TENM3: variants seen among roughly 807,000 people sequenced by gnomAD.
TENM3 encodes teneurin transmembrane protein 3.
A neutral mutation model predicts 255.1 loss-of-function variants in TENM3; 63 were observed. The ratio of observed to expected loss-of-function variants is 0.25; its 90% CI spans 0.20 to 0.30. The LOEUF is 0.30. TENM3 is among the 10% of genes least tolerant of loss of function. TENM3 has a pLI of 1.00. For synonymous variants in TENM3, 1,306 were observed against 1,322.3 expected, an observed-to-expected ratio of 0.99 and a Z score of 0.27; for missense variants, 2,929 against 3,461.1, an observed-to-expected ratio of 0.85 and a Z score of 3.86.
At chr4:181,731,788 A>AAG in the TENM3 span, among the ~76,000 whole-genome samples, 848 of 152,336 alleles carry the variant, frequency 5.6e-3, 10 homozygotes, top group African/African-American at 0.02. Flanking sequence ...AAAGAAAATA[A>AAG]AGTCAAGTCA....
chr4:182,772,206 T>A (rs1022509020), intron 22 of TENM3, among the ~76,000 whole-genome samples: 3 of 141,050 alleles, frequency 2.1e-5, no homozygotes, highest in Admixed American at 7.4e-5. Context: ...CCCTATCATC[T>A]CATAAACAAG....
the TENM3 span, among the ~76,000 whole-genome samples, chr4:181,591,786 C>A: frequency 6.6e-6 from 1 of 152,172 alleles, no homozygotes; most frequent in African/African-American, 2.4e-5. Flanking sequence ...CACCACCACC[C>A]CCTACTCCTG....
intron 3 of TENM3, among the ~76,000 whole-genome samples, chr4:182,517,014 A>T (rs1204984372): frequency 6.6e-6 from 1 of 152,192 alleles, no homozygotes; most frequent in African/African-American, 2.4e-5. Flanking sequence ...ATAAGAAAAA[A>T]AATAAGGAAT....
the TENM3 span, among the ~76,000 whole-genome samples, chr4:182,090,240 C>G: frequency 6.6e-6 from 1 of 152,082 alleles, no homozygotes; most frequent in African/African-American, 2.4e-5. Context: ...AAAACACAGC[C>G]CCAGTCTCTG....
At chr4:181,474,559 C>T in the TENM3 span, among the ~76,000 whole-genome samples, 84 of 151,888 alleles carry the variant, frequency 5.5e-4, no homozygotes, top group Non-Finnish European at 1.0e-3. Flanking sequence ...CATAGTGAAA[C>T]GCCATCTCTA....
the TENM3 span, among the ~76,000 whole-genome samples, chr4:181,900,428 A>T: frequency 2.6e-5 from 4 of 152,190 alleles, no homozygotes; most frequent in African/African-American, 9.7e-5. Flanking sequence ...ATATTCTTTC[A>T]CATATCATAT....
At chr4:182,361,558 C>T (rs570848455) in intron 3 of TENM3, among the ~76,000 whole-genome samples, 2 of 152,204 alleles carry the variant, frequency 1.3e-5, no homozygotes, top group African/African-American at 2.4e-5. Flanking sequence ...CGAGCCTTGG[C>T]TTTCAGCTCC....
At position 182,771,787 on chromosome 4, in the gene TENM3, T is replaced by C. The variant is rs75747089; in HGVS notation, c.4893-1685T>C. On this transcript the variant is annotated intron_variant, in intron 22 of 27. Transcript: ENST00000511685. ...AATAAACTCTGTTGGATTTCTTTCA[T>C]TTATGCCTTCCTTTGCTAGGGGCGT... is the stretch of plus-strand genomic sequence containing the variant. Among the ~76,000 whole-genome samples, 1,046 of 152,334 alleles carry C rather than the reference T, an allele frequency of 6.9e-3. 10 individuals carry two copies. Among genetic ancestry groups the C allele is most frequent in the African/African-American group, 0.024 (1,006 of 41,566 alleles).
the TENM3 span, among the ~76,000 whole-genome samples, chr4:181,890,698 T>G: frequency 6.6e-6 from 1 of 152,142 alleles, no homozygotes; most frequent in East Asian, 1.9e-4. Flanking sequence ...GCAAGCAGAA[T>G]ATAGTCTTGT....
upstream of TENM3, among the ~76,000 whole-genome samples, chr4:182,241,514 C>CT (rs1561232126): frequency 1.9e-5 from 2 of 102,622 alleles, no homozygotes; most frequent in African/African-American, 1.0e-4. Context: ...TTTCTTTTTT[C>CT]TTTCTTTTTT....
the TENM3 span, among the ~76,000 whole-genome samples, chr4:182,134,912 A>C: frequency 6.6e-6 from 1 of 152,082 alleles, no homozygotes; most frequent in Non-Finnish European, 1.5e-5. Context: ...AGCACCAAAA[A>C]TGAACCAAAG....
intron 3 of TENM3, among the ~76,000 whole-genome samples, chr4:182,463,951 T>C (rs1421971085): frequency 6.6e-6 from 1 of 152,124 alleles, no homozygotes; most frequent in East Asian, 1.9e-4. Flanking sequence ...TATTTTGTTA[T>C]AATTTCTTTC....
intron 6 of TENM3, among the ~76,000 whole-genome samples, chr4:182,657,638 A>G (rs1753865123): frequency 6.6e-6 from 1 of 151,642 alleles, no homozygotes; most frequent in African/African-American, 2.4e-5. Flanking sequence ...CTTTTTATTT[A>G]TTTATTTTAT....
chr4:181,517,511 A>G, the TENM3 span, among the ~76,000 whole-genome samples: 1 of 152,156 alleles, frequency 6.6e-6, no homozygotes, highest in Non-Finnish European at 1.5e-5. Flanking sequence ...TTTTGTTACC[A>G]ATTATTACAG....
intron 1 of TENM3, among the ~76,000 whole-genome samples, chr4:182,186,978 T>A (rs1297171741): frequency 2.0e-5 from 3 of 150,904 alleles, no homozygotes; most frequent in Admixed American, 2.0e-4. Flanking sequence ...GCTTTGCCTT[T>A]TTTTAATAGT....
the TENM3 span, among the ~76,000 whole-genome samples, chr4:182,077,070 G>A: frequency 1.3e-5 from 2 of 152,138 alleles, no homozygotes; most frequent in Admixed American, 1.3e-4. Flanking sequence ...TCCAACTTCC[G>A]AACATCTTCA....
intron 22 of TENM3, among the ~76,000 whole-genome samples, chr4:182,755,666 C>T (rs528246362): frequency 2.0e-5 from 3 of 152,106 alleles, no homozygotes; most frequent in South Asian, 2.1e-4. Flanking sequence ...GTGAAACCCC[C>T]GTCTCTACTA....
At chr4:181,488,408 G>A in the TENM3 span, among the ~76,000 whole-genome samples, 1 of 152,134 alleles carries the variant, frequency 6.6e-6, no homozygotes, top group Non-Finnish European at 1.5e-5. Context: ...TCTCATCTCT[G>A]TGGGGATTTG....
intron 5 of TENM3, among the ~76,000 whole-genome samples, chr4:182,647,604 G>A (rs1242549077): frequency 6.6e-6 from 1 of 152,172 alleles, no homozygotes; most frequent in African/African-American, 2.4e-5. Flanking sequence ...ATATACCACA[G>A]TTTCTTTATC....
Sources: allele counts gnomAD v4.1 joint callset (sites outside exome capture counted in the v4.1 genomes callset), GRCh38; gene constraint gnomAD v4.1.1; transcripts MANE v1.5; gene names NCBI Gene and HGNC (gene_info 2026-07-23, HGNC 2026-07-21).